WDR70: variants seen among roughly 807,000 people sequenced by gnomAD.
WDR70 encodes WD repeat-containing protein 70.
Under a neutral mutation model 88.6 loss-of-function variants are expected in WDR70, and 53 were observed. The ratio of observed to expected loss-of-function variants is 0.60; its 90% CI spans 0.48 to 0.75. WDR70 has a LOEUF of 0.75. Among genes scored for constraint, WDR70 ranks in the 30% least tolerant of loss-of-function variants. WDR70 has a pLI of 0.00. For missense variants in WDR70, 610 were observed against 823.2 expected (o/e 0.74, Z 3.17); for synonymous variants, 280 against 270.0 (o/e 1.04, Z -0.36).
intron 4 of WDR70, among the ~76,000 whole-genome samples, chr5:37,392,671 A>C (rs761619377): frequency 6.6e-6 from 1 of 151,658 alleles, no homozygotes; most frequent in Non-Finnish European, 1.5e-5. Context: ...TTGAGATGGA[A>C]TCTCGCTCTT....
chr5:37,546,277 C>T (rs924074971), intron 9 of WDR70, among the ~76,000 whole-genome samples: 1 of 152,254 alleles, frequency 6.6e-6, no homozygotes, highest in African/African-American at 2.4e-5. Context: ...TCACATTAAC[C>T]TTGCTGTAAG....
intron 9 of WDR70, among the ~76,000 whole-genome samples, chr5:37,528,613 G>T (rs192836994): frequency 3.6e-4 from 47 of 129,014 alleles, no homozygotes; most frequent in African/African-American, 1.2e-3. Context: ...ATGTACCCTA[G>T]AACTTAAAGT....
At chr5:37,557,664 T>C (rs1272151259) in intron 9 of WDR70, among the ~76,000 whole-genome samples, 2 of 151,986 alleles carry the variant, frequency 1.3e-5, no homozygotes, top group Non-Finnish European at 2.9e-5. Flanking sequence ...AGTTAAACAT[T>C]GTAGCAGAGT....
At chr5:37,563,037 C>A (rs1483448493) in intron 9 of WDR70, among the ~76,000 whole-genome samples, 3,511 of 115,388 alleles carry the variant, frequency 0.03, 145 homozygotes, top group African/African-American at 0.097. Context: ...GGCAGAGGCG[C>A]CCCTCACCTC....
chr5:37,511,436 C>T (rs925282816), intron 8 of WDR70, among the ~76,000 whole-genome samples: 9 of 151,628 alleles, frequency 5.9e-5, no homozygotes, highest in Non-Finnish European at 1.2e-4. Context: ...CTTTGTAGTA[C>T]TTTCTTTTTT....
At chr5:37,391,465 C>CTT (rs910521969) in intron 3 of WDR70, among the ~76,000 whole-genome samples, 25 of 152,306 alleles carry the variant, frequency 1.6e-4, no homozygotes, top group African/African-American at 5.8e-4. Context: ...TTGTCTCTGA[C>CTT]TTTGACTACT....
intron 9 of WDR70, among the ~76,000 whole-genome samples, chr5:37,536,194 G>A (rs1306036663): frequency 6.6e-6 from 1 of 152,046 alleles, no homozygotes; most frequent in Non-Finnish European, 1.5e-5. Context: ...TGGTTTCTTA[G>A]CAATCTGTTA....
chr5:37,664,991 A>G (rs971086208), intron 10 of WDR70, among the ~76,000 whole-genome samples: 6 of 152,228 alleles, frequency 3.9e-5, no homozygotes, highest in African/African-American at 1.4e-4. Context: ...ACTTAATAAG[A>G]TGGTCTGTAC....
At chr5:37,389,203 C>T (rs1748729006) in intron 3 of WDR70, among the ~76,000 whole-genome samples, 1 of 151,188 alleles carries the variant, frequency 6.6e-6, no homozygotes, top group Non-Finnish European at 1.5e-5. Context: ...AGCGATTCTC[C>T]TGCCTCAGTG....
intron 9 of WDR70, among the ~76,000 whole-genome samples, chr5:37,544,190 A>C (rs1450997715): frequency 6.6e-6 from 1 of 152,222 alleles, no homozygotes; most frequent in Non-Finnish European, 1.5e-5. Context: ...TATACATAAC[A>C]GGATTTCCTA....
chr5:37,589,059 G>A (rs941083493), intron 9 of WDR70, among the ~76,000 whole-genome samples: 2 of 151,766 alleles, frequency 1.3e-5, no homozygotes, highest in South Asian at 2.1e-4. Flanking sequence ...CACTGCGCCC[G>A]GCCTATTATT....
chr5:37,529,095 A>G (rs558924157), intron 9 of WDR70, among the ~76,000 whole-genome samples: 8 of 151,872 alleles, frequency 5.3e-5, no homozygotes, highest in Non-Finnish European at 7.4e-5. Context: ...TCCCCACTCT[A>G]TGTTTTTGTT....
chr5:37,438,347 C>T (rs1367224267), intron 6 of WDR70, among the ~76,000 whole-genome samples: 5 of 152,166 alleles, frequency 3.3e-5, no homozygotes, highest in Admixed American at 2.0e-4. Context: ...TGAATTTGTT[C>T]ATTTTTCAGA....
chr5:37,735,251 G>A (rs1316414403), intron 17 of WDR70, among the ~76,000 whole-genome samples: 2 of 152,066 alleles, frequency 1.3e-5, no homozygotes, highest in Non-Finnish European at 2.9e-5. Flanking sequence ...AGCTGAAAGT[G>A]TTTTTGTTCA....
In WDR70 at chr5:37,565,686, A is replaced by G. The variant is rs546688582; in HGVS notation, c.918-39378A>G. Among the ~76,000 whole-genome samples, 6 of 152,252 alleles carry G rather than the reference A, an allele frequency of 3.9e-5. No homozygotes were observed. In the East Asian group the frequency reaches 1.2e-3, roughly 29 times the overall value. On this transcript the variant is annotated intron_variant, in intron 9 of 17. Transcript: ENST00000265107. ...TATTATGTAGTCCACTGGAATTTAA[A>G]CATTTTTTTTAAATGGGTTCATCAA...
In WDR70 at chr5:37,479,963, T is replaced by C. The variant is rs1258024351; in HGVS notation, c.816T>C (p.Tyr272=). 5 of 1,613,850 alleles carry C rather than the reference T, an allele frequency of 3.1e-6. No individual in the cohort carries two copies. The highest frequency in any genetic ancestry group is 4.2e-6 in the Non-Finnish European group (5 of 1,179,934). The change falls in exon 8 of 18, where the codon TAT becomes TAC. Residue 272 remains tyrosine (Y), a synonymous_variant. Transcript: ENST00000265107. ...TGGAATGTATAAAAGGAGACCAGTA[T>C]ATTGTGGACATGGCCAACACCAAGG... ...EVMECIKGDQ[Y]IVDMANTKGH... is the part of the protein sequence containing the mutation.
intron 9 of WDR70, among the ~76,000 whole-genome samples, chr5:37,580,422 G>A (rs760529507): frequency 6.6e-6 from 1 of 152,160 alleles, no homozygotes; most frequent in Non-Finnish European, 1.5e-5. Context: ...CCATTGCTCT[G>A]GGTCTGATAC....
chr5:37,531,598 T>C (rs1240630172), intron 9 of WDR70, among the ~76,000 whole-genome samples: 9 of 149,188 alleles, frequency 6.0e-5, no homozygotes, highest in South Asian at 2.1e-4. Context: ...TTTTTTTTTT[T>C]TTTTTTTTTG....
chr5:37,454,700 G>A (rs1738779518), intron 7 of WDR70, among the ~76,000 whole-genome samples: 1 of 152,156 alleles, frequency 6.6e-6, no homozygotes, highest in African/African-American at 2.4e-5. Flanking sequence ...ATGATGGGGA[G>A]ATTACTGTCC....
Sources: allele counts gnomAD v4.1 joint callset (sites outside exome capture counted in the v4.1 genomes callset), GRCh38; gene constraint gnomAD v4.1.1; transcripts MANE v1.5; gene names NCBI Gene and HGNC (gene_info 2026-07-23, HGNC 2026-07-21).